The following SNX18 variants were observed in gnomAD, a reference collection of about 807,000 sequenced individuals.
The protein encoded by SNX18 is sorting nexin-18.
Under a neutral mutation model 48.7 loss-of-function variants are expected in SNX18, and 35 were observed. The ratio of observed to expected loss-of-function variants is 0.72; its 90% confidence interval spans 0.55 to 0.95. The LOEUF (loss-of-function observed/expected upper bound fraction) is 0.95, where lower values mean the gene tolerates loss of function less well. Among genes scored for constraint, SNX18 ranks in the 40% least tolerant of loss-of-function variants. The pLI is 0.00. For missense variants in SNX18, 824 were observed against 871.0 expected, an observed-to-expected ratio of 0.95 and a Z score of 0.68; for synonymous variants, 492 against 384.7, an observed-to-expected ratio of 1.28 and a Z score of -3.26.
At chr5:54,593,095 C>G in the SNX18 span, among the ~76,000 whole-genome samples, 1 of 152,326 alleles carries the variant, frequency 6.6e-6, no homozygotes, top group East Asian at 1.9e-4. Context: ...GCCACTATGC[C>G]TGGCCCCACA....
the SNX18 span, among the ~76,000 whole-genome samples, chr5:54,554,691 T>A: frequency 6.6e-6 from 1 of 152,232 alleles, no homozygotes; most frequent in Admixed American, 6.5e-5. Context: ...AGCAATGATG[T>A]GTTAATTTTA....
the SNX18 span, among the ~76,000 whole-genome samples, chr5:54,643,084 A>T: frequency 6.6e-6 from 1 of 152,100 alleles, no homozygotes; most frequent in African/African-American, 2.4e-5. Flanking sequence ...TTGTGTCTAA[A>T]CTATAAAGGG....
the SNX18 span, among the ~76,000 whole-genome samples, chr5:54,642,335 G>A: frequency 4.6e-5 from 7 of 151,970 alleles, no homozygotes; most frequent in Non-Finnish European, 1.5e-5. Context: ...CAAACGTGCA[G>A]GAATGGGTGT....
Position 54,518,320 on chromosome 5 carries a change from G to T in SNX18, c.368G>T (p.Gly123Val), listed in dbSNP as rs754616175. 1 of 1,540,416 alleles carries T rather than the reference G, an allele frequency of 6.5e-7. No individual in the cohort carries two copies. The highest frequency in any genetic ancestry group is 1.2e-5 in the South Asian group (1 of 83,196). The change falls in exon 1 of 2, where the codon GGC becomes GTC. Residue 123 changes from glycine (G) to valine (V), a missense_variant. Gly to Val is a moderately radical substitution (Grantham distance 109). Around this residue, in one of 3 missense-constraint regions of SNX18, gnomAD observed 377 missense variants for 350.6 expected, o/e 1.08. Transcript: ENST00000381410. Reference sequence around the variant, plus strand: ...CCTCCGAGCACCTTCCAGCCGCCCGGCGCGGGCTTCCCGTACGGCGGGGGC... The same window carrying T: ...CCTCCGAGCACCTTCCAGCCGCCCGTCGCGGGCTTCCCGTACGGCGGGGGC... ...APPPSTFQPP[G>V]AGFPYGGGAL...
At chr5:54,618,892 G>C in the SNX18 span, among the ~76,000 whole-genome samples, 1 of 151,914 alleles carries the variant, frequency 6.6e-6, no homozygotes, top group Non-Finnish European at 1.5e-5. Flanking sequence ...TATACCCCCT[G>C]TTCTATAAGC....
chr5:54,570,171 G>A, the SNX18 span, among the ~76,000 whole-genome samples: 1 of 152,172 alleles, frequency 6.6e-6, no homozygotes, highest in African/African-American at 2.4e-5. Flanking sequence ...GATGCACTGG[G>A]AGAGCACCAA....
the SNX18 span, among the ~76,000 whole-genome samples, chr5:54,631,320 CAG>C: frequency 6.6e-6 from 1 of 152,148 alleles, no homozygotes; most frequent in Admixed American, 6.5e-5. Context: ...AAAATAAATC[CAG>C]GATGGTTGCA....
chr5:54,526,616 A>G (rs1159057217), intron 1 of SNX18, among the ~76,000 whole-genome samples: 1 of 152,152 alleles, frequency 6.6e-6, no homozygotes, highest in African/African-American at 2.4e-5. Flanking sequence ...CTAAAAGATA[A>G]ACTAGATTTT....
At chr5:54,638,536 G>A in the SNX18 span, among the ~76,000 whole-genome samples, 3 of 152,018 alleles carry the variant, frequency 2.0e-5, no homozygotes, top group African/African-American at 7.3e-5. Context: ...ATTTTAAGAG[G>A]GCTTGGTATC....
chr5:54,579,088 C>G, the SNX18 span, among the ~76,000 whole-genome samples: 1 of 152,018 alleles, frequency 6.6e-6, no homozygotes, highest in African/African-American at 2.4e-5. Context: ...GCCTGCAATC[C>G]CAACACTTTG....
At chr5:54,637,589 G>T in the SNX18 span, among the ~76,000 whole-genome samples, 1 of 152,166 alleles carries the variant, frequency 6.6e-6, no homozygotes, top group Admixed American at 6.5e-5. Flanking sequence ...TACATACTAG[G>T]TAACAGGTTT....
the SNX18 span, among the ~76,000 whole-genome samples, chr5:54,556,347 C>T: frequency 0.72 from 109,292 of 152,060 alleles, 39,954 homozygotes; most frequent in Non-Finnish European, 0.79. Flanking sequence ...GGAGACTCTG[C>T]GGGAGAATCC....
At chr5:54,603,080 G>A in the SNX18 span, among the ~76,000 whole-genome samples, 2 of 151,870 alleles carry the variant, frequency 1.3e-5, no homozygotes, top group African/African-American at 4.8e-5. Context: ...TTTTCCAACT[G>A]CATTCATCAA....
intron 1 of SNX18, among the ~76,000 whole-genome samples, chr5:54,534,054 A>T (rs1580103562): frequency 6.6e-6 from 1 of 152,108 alleles, no homozygotes; most frequent in African/African-American, 2.4e-5. Flanking sequence ...GAAGAAAAAC[A>T]GGCCGAGTCC....
At chr5:54,547,395 T>G (rs1762593155), downstream of SNX18, among the ~76,000 whole-genome samples, 1 of 152,244 alleles carries the variant, frequency 6.6e-6, no homozygotes, top group Admixed American at 6.5e-5. Context: ...GAGCTGAGAT[T>G]CAAATTGGGA....
At chr5:54,618,593 C>T in the SNX18 span, among the ~76,000 whole-genome samples, 9 of 152,078 alleles carry the variant, frequency 5.9e-5, no homozygotes, top group South Asian at 2.1e-4. Flanking sequence ...AAATAACATG[C>T]GATGTTAGAG....
rs775378120 is a variant in SNX18 at position 54,518,792 on chromosome 5, C to T, written c.840C>T (p.Ile280=). The part of the protein sequence containing the change: ...QENPYPFQCT[I]DDPTKQTKFK... ...ACCCCTACCCGTTCCAGTGCACCAT[C>T]GACGACCCCACCAAGCAGACCAAGT... Residue 280 remains isoleucine (I), a synonymous_variant, in exon 1 of 2, where the codon ATC becomes ATT. Transcript: ENST00000381410. 1 of 1,604,166 alleles carries T rather than the reference C, an allele frequency of 6.2e-7. No homozygotes were observed. Among genetic ancestry groups the T allele is most frequent in the South Asian group, 1.1e-5 (1 of 89,702 alleles).
At chr5:54,568,774 G>C in the SNX18 span, among the ~76,000 whole-genome samples, 76,170 of 150,414 alleles carry the variant, frequency 0.51, 20,052 homozygotes, top group Non-Finnish European at 0.59. Flanking sequence ...AACTACTTTT[G>C]CTTTTAGGAG....
At chr5:54,537,394 G>A (rs1762377995) in intron 1 of SNX18, among the ~76,000 whole-genome samples, 1 of 152,102 alleles carries the variant, frequency 6.6e-6, no homozygotes, top group Non-Finnish European at 1.5e-5. Context: ...TAATAAAATC[G>A]TAATATGCTC....
Sources: gnomAD v4.1 joint callset for allele counts (sites outside exome capture counted in the v4.1 genomes callset) on GRCh38, gnomAD v4.1.1 for gene constraint, gnomAD v4.1.1 regional missense constraint, MANE v1.5 for transcripts, NCBI Gene and HGNC (gene_info 2026-07-23, HGNC 2026-07-21) for gene names.